Variants in CLHC1 observed in about 807,000 individuals in gnomAD.
CLHC1 encodes the protein clathrin heavy chain linker domain containing 1.
CLHC1 carries 72 observed loss-of-function variants against 69.5 expected under a neutral mutation model. The observed-to-expected ratio is 1.04, with a 90% CI of 0.86 to 1.26. CLHC1 has a LOEUF of 1.26. Ranked by LOEUF, CLHC1 falls within the 50% of genes most tolerant of loss-of-function variation. The pLI, the probability that CLHC1 is intolerant of heterozygous loss-of-function variation, is 0.00. For missense variants in CLHC1, 790 were observed against 679.3 expected (o/e 1.16, Z -1.81); for synonymous variants, 223 against 224.3 (o/e 0.99, Z 0.05).
intron 1 of CLHC1, among the ~76,000 whole-genome samples, chr2:55,231,453 A>C (rs1006996470): frequency 6.6e-6 from 1 of 152,170 alleles, no homozygotes; most frequent in African/African-American, 2.4e-5. Flanking sequence ...AAGGTGAGGT[A>C]TAAAATAATA....
At chr2:55,180,022 C>G (rs567351281) in intron 11 of CLHC1, among the ~76,000 whole-genome samples, 1 of 151,848 alleles carries the variant, frequency 6.6e-6, no homozygotes, top group Non-Finnish European at 1.5e-5. Flanking sequence ...GGCGTAGTGG[C>G]GGGCACCTGT....
Position 55,208,708 on chromosome 2 carries a change from C to A in CLHC1, c.817G>T (p.Asp273Tyr). The part of the protein sequence containing the change: ...QIQKTKYLQG[D>Y]QGIVEELMED... The stretch of plus-strand genomic sequence containing the variant: ...ATTAGTTCTTCAACAATGCCTTGGT[C>A]ACCTGTAAATATTGAAAGTACTACT... The change falls in exon 8 of 13, where the codon GAC (aspartate) becomes TAC (tyrosine). Residue 273 changes from aspartate (D) to tyrosine (Y), a missense_variant and splice_region_variant. Physicochemically the swap from Asp to Tyr is radical, Grantham distance 160. Transcript: ENST00000401408. 6.2e-7 allele frequency: 1 copy of A among 1,604,200 alleles called. No homozygotes were observed. Among genetic ancestry groups the A allele is most frequent in the South Asian group, 1.1e-5 (1 of 90,754 alleles).
At chr2:55,197,741 G>A (rs1390744625) in intron 9 of CLHC1, among the ~76,000 whole-genome samples, 2 of 152,056 alleles carry the variant, frequency 1.3e-5, no homozygotes, top group East Asian at 3.9e-4. Flanking sequence ...GTTCAAACAA[G>A]CCCACACTGT....
intron 2 of CLHC1, among the ~76,000 whole-genome samples, chr2:55,222,712 G>A (rs1015712728): frequency 1.3e-5 from 2 of 151,700 alleles, no homozygotes; most frequent in African/African-American, 4.8e-5. Context: ...CTGAGGTCCG[G>A]GAGTTCGAGA....
At chr2:55,215,600 A>AGT (rs1348346686) in intron 4 of CLHC1, among the ~76,000 whole-genome samples, 1 of 152,186 alleles carries the variant, frequency 6.6e-6, no homozygotes, top group African/African-American at 2.4e-5. Context: ...GGGGTGGAGC[A>AGT]GTTTACCTCT....
At chr2:55,217,211 A>G (rs1000369081) in intron 4 of CLHC1, among the ~76,000 whole-genome samples, 10 of 151,064 alleles carry the variant, frequency 6.6e-5, no homozygotes, top group Admixed American at 6.6e-4. Flanking sequence ...CAAAAAGACT[A>G]TAACTGCCCA....
intron 9 of CLHC1, among the ~76,000 whole-genome samples, chr2:55,195,776 G>A (rs983099300): frequency 1.3e-5 from 2 of 152,214 alleles, no homozygotes; most frequent in African/African-American, 4.8e-5. Flanking sequence ...TCCAGCCTGG[G>A]TGACAGAGTG....
rs546846309 is a variant in CLHC1, at chr2:55,209,351, C to T, written c.814+53G>A. On this transcript the variant is annotated intron_variant, in intron 7 of 12. Transcript: ENST00000401408. ...AGAAAACCCCATTCTAACTAGCTAG[C>T]GAAAAAAATGTCTTCCATTATTGGT... 1.4e-3 allele frequency: 1,532 copies of T among 1,112,558 alleles called. 5 individuals are homozygous for T. Among genetic ancestry groups the T allele is most frequent in the African/African-American group, 8.9e-3 (501 of 56,470 alleles). 68.9% of individuals were successfully genotyped at this position (1,112,558 alleles called of 1,614,324 possible). A position where few individuals can be genotyped will look rare whatever the true frequency, so the allele number is the denominator to read the frequency against.
chr2:55,208,303 C>T (rs56095114), intron 8 of CLHC1, among the ~76,000 whole-genome samples: 63,671 of 151,890 alleles, frequency 0.42, 13,425 homozygotes, highest in East Asian at 0.51. Context: ...TCATATATAC[C>T]ATATACACAT....
rs1468286741 is a variant in CLHC1 at position 55,181,648 on chromosome 2, G to A, written c.1103C>T (p.Ala368Val). ...ACATTTGATTCCTTCCAGGGTTAGAGCTGCATCAACAGGACATGGAAAAGC... is the reference window on the plus strand; with the variant it reads ...ACATTTGATTCCTTCCAGGGTTAGAACTGCATCAACAGGACATGGAAAAGC... ...SHAFPCPVDA[A>V]LTLEGIKCGL... Residue 368 changes from alanine to valine, a missense_variant, in exon 10 of 13, where the codon GCT becomes GTT. Transcript: ENST00000401408. 21 of 1,613,518 alleles carry A rather than the reference G, an allele frequency of 1.3e-5. No homozygotes were observed. The highest frequency in any genetic ancestry group is 2.2e-5 in the East Asian group (1 of 44,860).
rs1669190908 is a variant in CLHC1 at position 55,174,248 on chromosome 2, T to G, written c.*1542A>C. Among the ~76,000 whole-genome samples the G allele has an allele frequency of 6.6e-6, 1 of 152,216 alleles. No homozygotes were observed. The highest frequency in any genetic ancestry group is 6.5e-5 in the Admixed American group (1 of 15,278). On this transcript the variant is annotated 3_prime_UTR_variant, in exon 13 of 13. Coordinates refer to ENST00000401408, the MANE Select transcript of CLHC1 (RefSeq NM_152385.4). ...GTTTTAGAAAGCTGAATTATAATTA[T>G]CCAGTATTCTATTTAGCACCAAATG...
intron 11 of CLHC1, among the ~76,000 whole-genome samples, chr2:55,178,948 G>A (rs983875754): frequency 8.3e-5 from 12 of 143,958 alleles, no homozygotes; most frequent in African/African-American, 3.1e-4. Context: ...TATTATTATT[G>A]GATAAGGTCT....
Position 55,175,712 on chromosome 2 carries a change from G to T in CLHC1, c.*78C>A. The T allele has an allele frequency of 2.2e-6, 2 of 905,794 alleles. No homozygotes were observed. The highest frequency in any genetic ancestry group is 1.7e-6 in the Non-Finnish European group (1 of 589,650). The allele number at this position is 905,794 out of a possible 1,614,324, so 56.1% of individuals were successfully genotyped here. ...TTACTCTAGATTTATTTATAAGTTA[G>T]TTACGTTAAAATCAGTTTTTCCCAA... On this transcript the variant is annotated 3_prime_UTR_variant, in exon 13 of 13. Transcript: ENST00000401408.
In CLHC1 at chr2:55,205,894, C is replaced by CAA. The variant is rs5831343; in HGVS notation, c.1006+374_1006+375dup. On this transcript the variant is annotated intron_variant, in intron 9 of 12. Coordinates refer to ENST00000401408, the MANE Select transcript of CLHC1 (RefSeq NM_152385.4). ...GGACAACAAGAATGAAACTCTGTCTCAAAAAAAAAAAAACTTACCAAATTG... is the reference window on the plus strand; with the variant it reads ...GGACAACAAGAATGAAACTCTGTCTCAAAAAAAAAAAAAAACTTACCAAATTG... Among the ~76,000 whole-genome samples the CAA allele has an allele frequency of 4.4e-3, 630 of 142,968 alleles. 1 individual carries two copies. Among genetic ancestry groups the CAA allele is most frequent in the Middle Eastern group, 7.1e-3 (2 of 282 alleles). 93.8% of individuals were successfully genotyped at this position (142,968 alleles called of 152,430 possible).
chr2:55,229,150 CAAAAA>C (rs34823201), intron 1 of CLHC1, among the ~76,000 whole-genome samples: 36,870 of 107,998 alleles, frequency 0.34, 4,466 homozygotes, highest in Middle Eastern at 0.43. Context: ...GATTCTGTCT[CAAAAA>C]AAAAAAAAAA....
intron 9 of CLHC1, among the ~76,000 whole-genome samples, chr2:55,186,231 C>T (rs1468101598): frequency 6.6e-6 from 1 of 152,112 alleles, no homozygotes; most frequent in Non-Finnish European, 1.5e-5. Flanking sequence ...CATTAGAGAC[C>T]AGGCAGAGAC....
intron 12 of CLHC1, among the ~76,000 whole-genome samples, chr2:55,177,103 G>A (rs192930443): frequency 6.6e-6 from 1 of 152,064 alleles, no homozygotes; most frequent in Admixed American, 6.6e-5. Flanking sequence ...GAACTCCTGA[G>A]CTCAAGCGAT....
rs1669316186 is a variant in CLHC1 at position 55,175,640 on chromosome 2, A to G, written c.*150T>C. The G allele has an allele frequency of 1.7e-6, 1 of 584,680 alleles. No homozygotes were observed. Among genetic ancestry groups the G allele is most frequent in the Non-Finnish European group, 3.0e-6 (1 of 331,700 alleles). The allele number at this position is 584,680 out of a possible 1,614,324, so 36.2% of individuals were successfully genotyped here. A position where few individuals can be genotyped will look rare whatever the true frequency, so the allele number is the denominator to read the frequency against. On this transcript the variant is annotated 3_prime_UTR_variant, in exon 13 of 13. Transcript: ENST00000401408. The stretch of plus-strand genomic sequence containing the variant: ...AATAGTATAAATATTTCAAAGACAA[A>G]TCTAAATGTCATCATAACAAAAGTG...
intron 9 of CLHC1, among the ~76,000 whole-genome samples, chr2:55,204,639 T>C (rs1672264398): frequency 6.6e-6 from 1 of 152,144 alleles, no homozygotes; most frequent in Non-Finnish European, 1.5e-5. Context: ...AATCCTATGA[T>C]TAATGCAGTG....
Sources: gnomAD v4.1 joint callset for allele counts (sites outside exome capture counted in the v4.1 genomes callset) on GRCh38, gnomAD v4.1.1 for gene constraint, MANE v1.5 for transcripts, NCBI Gene and HGNC (gene_info 2026-07-23, HGNC 2026-07-21) for gene names.